Variants in ADGRD1 observed in about 807,000 individuals in gnomAD.
ADGRD1 encodes adhesion G protein-coupled receptor D1.
Under a neutral mutation model 113.4 loss-of-function variants are expected in ADGRD1, and 77 were observed. The ratio of observed to expected loss-of-function variants is 0.68; its 90% CI spans 0.57 to 0.82. ADGRD1 has a LOEUF of 0.82. ADGRD1 is among the 40% of genes least tolerant of loss of function. The probability of loss-of-function intolerance (pLI) is 0.00; values close to 1 mark genes in which losing one functional copy is unlikely to be tolerated. For missense variants in ADGRD1, 1,036 were observed against 1,139.1 expected (o/e 0.91, Z 1.30); for synonymous variants, 474 against 475.0 (o/e 1.00, Z 0.03).
rs1252461119 is a variant in ADGRD1, at chr12:131,022,217, C to T, written c.1473+7877C>T. Among the ~76,000 whole-genome samples, 5 of 152,186 alleles carry T rather than the reference C, an allele frequency of 3.3e-5. 1 individual carries two copies. The highest frequency in any genetic ancestry group is 4.2e-4 in the South Asian group (2 of 4,814). The stretch of plus-strand genomic sequence containing the variant: ...TGTGAATGCTCATTGTTGCCGGTAA[C>T]GCTCACGTGGATGGCATGAGTGAGG... On this transcript the variant is annotated intron_variant, in intron 13 of 24. Transcript: ENST00000261654. This position sits in a 1 kb window ranked among gnomAD's most constrained non-coding sequence, Gnocchi z 4.6.
Position 131,139,443 on chromosome 12 carries a change from C to T in ADGRD1, c.*180C>T. On this transcript the variant is annotated 3_prime_UTR_variant, in exon 25 of 25. Transcript: ENST00000261654. ...TGTCGGAGCACACTGCTCAGCCCAGCAGCCTGATGCCCAGGCCAGCGTGGG... is the reference window on the plus strand; with the variant it reads ...TGTCGGAGCACACTGCTCAGCCCAGTAGCCTGATGCCCAGGCCAGCGTGGG... The T allele has an allele frequency of 1.7e-6, 1 of 585,482 alleles. No homozygotes were observed. The highest frequency in any genetic ancestry group is 3.1e-6 in the Non-Finnish European group (1 of 324,138). The allele number at this position is 585,482 out of a possible 1,614,324, so 36.3% of individuals were successfully genotyped here.
chr12:130,992,568 T>C (rs1042784351), intron 8 of ADGRD1, 176 bp downstream of exon 8: 3 of 578,556 alleles, frequency 5.2e-6, no homozygotes, highest in East Asian at 2.9e-5. Context: ...GCCAGCTCTG[T>C]ACAGCTCAGC....
intron 13 of ADGRD1, among the ~76,000 whole-genome samples, chr12:131,045,928 G>A (rs1334766620): frequency 6.6e-6 from 1 of 151,132 alleles, no homozygotes; most frequent in Non-Finnish European, 1.5e-5. Context: ...CCTTCCTGGT[G>A]GTGCTCCCGC....
At chr12:131,062,631 C>G (rs902301615) in intron 13 of ADGRD1, among the ~76,000 whole-genome samples, 1 of 152,044 alleles carries the variant, frequency 6.6e-6, no homozygotes, top group South Asian at 2.1e-4. Flanking sequence ...AGTTGCCCTG[C>G]GAAAGCTCTC....
chr12:131,096,107 C>T lies in ADGRD1; in HGVS notation c.1672-8724C>T, dbSNP rs193025218. ...GCGCTTGCTTTTCTGTCATTCCAGA[C>T]GCAGTTGCTGAGCCTGGGGCCCCGC... On this transcript the variant is annotated intron_variant, in intron 15 of 24. Transcript: ENST00000261654. The surrounding 1 kb of genome is among the most constrained non-coding windows in gnomAD (Gnocchi z 5.2). 1.3e-3 allele frequency among the ~76,000 whole-genome samples: 198 copies of T among 152,232 alleles called. No homozygotes were observed. The highest frequency in any genetic ancestry group is 3.9e-3 in the South Asian group (19 of 4,818).
intron 13 of ADGRD1, among the ~76,000 whole-genome samples, chr12:131,029,521 A>G (rs112987849): frequency 0.016 from 1,515 of 94,402 alleles, no homozygotes; most frequent in Middle Eastern, 0.029. Context: ...AGGCTCTGGG[A>G]TTAGGTTGTG....
chr12:131,061,076 A>G (rs1884286481), intron 13 of ADGRD1, among the ~76,000 whole-genome samples: 1 of 152,134 alleles, frequency 6.6e-6, no homozygotes. Flanking sequence ...CCCCCACTGC[A>G]GGCCTCAGAA....
chr12:131,126,196 C>T (rs1218682018), intron 20 of ADGRD1, among the ~76,000 whole-genome samples: 1 of 152,152 alleles, frequency 6.6e-6, no homozygotes, highest in African/African-American at 2.4e-5. Context: ...GCTTTGCTCT[C>T]GTGAATAAGT....
chr12:131,011,273 G>A (rs548465224), intron 12 of ADGRD1, among the ~76,000 whole-genome samples: 36 of 151,198 alleles, frequency 2.4e-4, no homozygotes, highest in Non-Finnish European at 4.4e-4. Context: ...TCTTGACTTG[G>A]CCGACATCTG....
intron 13 of ADGRD1, among the ~76,000 whole-genome samples, chr12:131,028,665 A>G (rs1880259553): frequency 6.6e-6 from 1 of 152,016 alleles, no homozygotes; most frequent in Non-Finnish European, 1.5e-5. Flanking sequence ...CGGATATGTA[A>G]TTTACCCAGC....
chr12:131,138,328 G>T, intron 24 of ADGRD1, 99 bp downstream of exon 24: 1 of 960,280 alleles, frequency 1.0e-6, no homozygotes, highest in Non-Finnish European at 1.6e-6. Flanking sequence ...AGGTGGCTTC[G>T]GGTGCCCAGC....
At chr12:131,008,714 G>A (rs564284862) in intron 12 of ADGRD1, among the ~76,000 whole-genome samples, 8 of 152,328 alleles carry the variant, frequency 5.3e-5, no homozygotes, top group African/African-American at 1.7e-4. Context: ...CAGCTTTTAC[G>A]GGTGCTCGTG....
intron 21 of ADGRD1, 27 bp from the exon 22 acceptor site, chr12:131,136,010 A>G: frequency 1.2e-6 from 2 of 1,613,462 alleles, no homozygotes; most frequent in Non-Finnish European, 1.7e-6. Context: ...CCTGCCACTC[A>G]GGGTGACTGT....
At chr12:131,073,571 T>G (rs1885344421) in intron 13 of ADGRD1, among the ~76,000 whole-genome samples, 3 of 152,206 alleles carry the variant, frequency 2.0e-5, no homozygotes, top group Admixed American at 1.3e-4. Flanking sequence ...CTCCCCAAAT[T>G]ATTTACAGGT....
chr12:131,072,938 A>T (rs1300507078), intron 13 of ADGRD1, among the ~76,000 whole-genome samples: 1 of 152,222 alleles, frequency 6.6e-6, no homozygotes, highest in Non-Finnish European at 1.5e-5. Flanking sequence ...AGAGTGACTT[A>T]ACCAGACAGG....
At chr12:131,045,298 G>A (rs890277818) in intron 13 of ADGRD1, among the ~76,000 whole-genome samples, 16 of 152,272 alleles carry the variant, frequency 1.1e-4, no homozygotes, top group African/African-American at 3.9e-4. Flanking sequence ...TGTGGACGCC[G>A]TAGGCGGGAC....
chr12:131,137,089 C>A (rs1156773356), intron 23 of ADGRD1, 75 bp downstream of exon 23: 1 of 1,153,868 alleles, frequency 8.7e-7, no homozygotes. Flanking sequence ...GGAGCAGGAA[C>A]AGCGCTGCCC....
At chr12:130,990,738 A>C (rs1874274129) in intron 6 of ADGRD1, 4 of 326,392 alleles carry the variant, frequency 1.2e-5, no homozygotes, top group Non-Finnish European at 2.2e-5. Flanking sequence ...ATCCTTGTAT[A>C]AAATCATCTT....
At chr12:131,000,717 G>A (rs1876263496) in intron 9 of ADGRD1, among the ~76,000 whole-genome samples, 1 of 148,132 alleles carries the variant, frequency 6.8e-6, no homozygotes, top group Non-Finnish European at 1.5e-5. Context: ...CTCCAGCCTG[G>A]GCAACAGAGT....
Sources: gnomAD v4.1 joint callset for allele counts (sites outside exome capture counted in the v4.1 genomes callset) on GRCh38, gnomAD v4.1.1 for gene constraint, Gnocchi (gnomAD v3.1) non-coding constraint, MANE v1.5 for transcripts, NCBI Gene and HGNC (gene_info 2026-07-23, HGNC 2026-07-21) for gene names.